The following MELTF variants were observed in gnomAD, a reference collection of about 807,000 sequenced individuals.
MELTF encodes the protein antigen p97 (melanoma associated) identified by monoclonal antibodies 133.2 and 96.5.
In MELTF, 67 loss-of-function variants were observed where a neutral mutation model predicts 83.7. The ratio of observed to expected loss-of-function variants is 0.80; its 90% CI spans 0.66 to 0.98. The LOEUF is 0.98. Ranked by LOEUF, MELTF falls within the 50% of genes least tolerant of loss-of-function variation. The pLI is 0.00. For synonymous variants in MELTF, 462 were observed against 447.6 expected, an observed-to-expected ratio of 1.03 and a Z score of -0.41; for missense variants, 1,002 against 1,035.6, an observed-to-expected ratio of 0.97 and a Z score of 0.44.
rs149643603 is a variant in MELTF at position 197,023,009 on chromosome 3, C to T, written c.592G>A (p.Val198Met). ...LCRGDSSGEG[V>M]CDKSPLERYY... The stretch of plus-strand genomic sequence containing the variant: ...CTCTCCAGGGGGCTCTTGTCACACA[C>T]CCCTTCCCCAGAGCTGTCACCCCTG... The change falls in exon 5 of 16, where the codon GTG becomes ATG. Residue 198 changes from valine (V) to methionine (M), a missense_variant. Val to Met is a conservative substitution (Grantham distance 21, BLOSUM62 1). Coordinates refer to ENST00000296350, the MANE Select transcript of MELTF (RefSeq NM_005929.6). The T allele has an allele frequency of 2.2e-5, 35 of 1,613,690 alleles. No homozygotes were observed. Among genetic ancestry groups the T allele is most frequent in the African/African-American group, 1.9e-4 (14 of 75,034 alleles).
At position 197,004,003 on chromosome 3, in the gene MELTF, G is replaced by A. The variant is rs1294185419; in HGVS notation, c.2035C>T (p.Arg679Trp). The A allele has an allele frequency of 2.5e-6, 4 of 1,614,198 alleles. No individual in the cohort carries two copies. Among genetic ancestry groups the A allele is most frequent in the Non-Finnish European group, 2.5e-6 (3 of 1,180,026 alleles). ...GTTTTCTCTCCGACAGGCACCGCCCGGACGGTGGCATCCTTGAAAAGCAGG... is the reference window on the plus strand; with the variant it reads ...GTTTTCTCTCCGACAGGCACCGCCCAGACGGTGGCATCCTTGAAAAGCAGG... ...QDLLFKDATVRAVPVGEKTTY... is the reference protein window; with the variant it reads ...QDLLFKDATVWAVPVGEKTTY... Residue 679 changes from arginine (R) to tryptophan (W), a missense_variant, in exon 15 of 16, where the codon CGG (arginine) becomes TGG (tryptophan). Transcript: ENST00000296350.
Position 197,019,194 on chromosome 3 carries a change from C to T in MELTF, c.713-1904G>A, listed in dbSNP as rs562158993. On this transcript the variant is annotated intron_variant, in intron 6 of 15. Transcript: ENST00000296350. Reference sequence around the variant, plus strand: ...TTCAGTGTAGTCCTACCCCCGCTTCCCAACTTTCCTGTTTTTCGGCGGCTG... The same window carrying T: ...TTCAGTGTAGTCCTACCCCCGCTTCTCAACTTTCCTGTTTTTCGGCGGCTG... 4.6e-5 allele frequency: 46 copies of T among 1,002,750 alleles called. No homozygotes were observed. In the East Asian group the frequency reaches 8.7e-4, roughly 19 times the overall value. 62.1% of individuals were successfully genotyped at this position (1,002,750 alleles called of 1,614,324 possible).
chr3:197,020,386 A>C (rs1458982552), intron 6 of MELTF, among the ~76,000 whole-genome samples: 2 of 152,188 alleles, frequency 1.3e-5, no homozygotes, highest in Non-Finnish European at 2.9e-5. Context: ...GATTTGGATT[A>C]CTGTGGCTAG....
intron 7 of MELTF, 149 bp downstream of exon 7, chr3:197,016,954 G>C (rs543358844): frequency 1.1e-5 from 10 of 882,440 alleles, no homozygotes; most frequent in Non-Finnish European, 1.5e-5. Context: ...CAGCATAGTC[G>C]GTTCCTCACT....
At chr3:197,028,201 C>CCA in intron 1 of MELTF, 1 of 375,436 alleles carries the variant, frequency 2.7e-6, no homozygotes, top group Admixed American at 3.8e-5. Flanking sequence ...TCAGCTACCC[C>CCA]CACCTGGTGG....
At chr3:197,028,039 C>T in intron 1 of MELTF, 129 bp from the exon 2 acceptor site, 1 of 1,102,434 alleles carries the variant, frequency 9.1e-7, no homozygotes. Flanking sequence ...GCAGCCCTGC[C>T]CTCCCACAGG....
Position 197,016,386 on chromosome 3 carries a change from G to A in MELTF, c.901-17C>T, listed in dbSNP as rs1719375716. ...GAACAGACGCTGTGTGTCAAGGGGTGTGGTACAGGGTGGTGAGGGTGCTGA... is the reference window on the plus strand; with the variant it reads ...GAACAGACGCTGTGTGTCAAGGGGTATGGTACAGGGTGGTGAGGGTGCTGA... On this transcript the variant is annotated splice_polypyrimidine_tract_variant and intron_variant, in intron 7 of 15. Transcript: ENST00000296350. 2.6e-6 allele frequency: 4 copies of A among 1,519,180 alleles called. No individual in the cohort carries two copies. The highest frequency in any genetic ancestry group is 1.3e-5 in the South Asian group (1 of 76,674). 94.1% of individuals were successfully genotyped at this position (1,519,180 alleles called of 1,614,324 possible).
In MELTF at chr3:197,003,304, T is replaced by C; in HGVS notation, c.*68A>G. ...CGGCCTTCGCGAGCTTCCTTCTGGA[T>C]TCCAGCGCGAAGCCGCCGCGGAAAC... On this transcript the variant is annotated 3_prime_UTR_variant, in exon 16 of 16. Transcript: ENST00000296350. This position sits in a 1 kb window ranked among gnomAD's most constrained non-coding sequence, Gnocchi z 6.2. 1.9e-6 allele frequency: 2 copies of C among 1,038,584 alleles called. No homozygotes were observed. Among genetic ancestry groups the C allele is most frequent in the Non-Finnish European group, 2.3e-6 (2 of 866,774 alleles). 64.3% of individuals were successfully genotyped at this position (1,038,584 alleles called of 1,614,324 possible).
Position 197,023,130 on chromosome 3 carries a change from G to A in MELTF, c.488-17C>T. 6.2e-7 allele frequency: 1 copy of A among 1,613,150 alleles called. No homozygotes were observed. The highest frequency in any genetic ancestry group is 8.5e-7 in the Non-Finnish European group (1 of 1,179,876). On this transcript the variant is annotated splice_polypyrimidine_tract_variant and intron_variant, in intron 4 of 15. Transcript: ENST00000296350. The stretch of plus-strand genomic sequence containing the variant: ...CGCTGACAGCTGTGGGAAGGAGGTA[G>A]AGAGGTCACTCAGCAGAACTTTCTT...
intron 9 of MELTF, among the ~76,000 whole-genome samples, chr3:197,014,174 C>T (rs1719276880): frequency 6.6e-6 from 1 of 152,096 alleles, no homozygotes; most frequent in East Asian, 1.9e-4. Flanking sequence ...ACTATTTAGC[C>T]ATAAAAAAGA....
chr3:197,021,794 G>A (rs543985015), intron 5 of MELTF, among the ~76,000 whole-genome samples: 5 of 152,312 alleles, frequency 3.3e-5, no homozygotes, highest in Non-Finnish European at 7.4e-5. Flanking sequence ...TCCCAGGGCA[G>A]CTGCTATTAT....
Position 197,008,784 on chromosome 3 carries a change from C to T in MELTF, c.1682+25G>A, listed in dbSNP as rs377730545. 2 of 1,613,794 alleles carry T rather than the reference C, an allele frequency of 1.2e-6. No individual in the cohort carries two copies. The highest frequency in any genetic ancestry group is 1.7e-6 in the Non-Finnish European group (2 of 1,179,892). ...AGGGTCCCAGCCTCTGCACACAGCC[C>T]CAGACTGCCAGGCCACCCGGGTACC... is the stretch of plus-strand genomic sequence containing the variant. On this transcript the variant is annotated intron_variant, in intron 12 of 15. Coordinates refer to ENST00000296350, the MANE Select transcript of MELTF (RefSeq NM_005929.6). The surrounding 1 kb of genome is among the most constrained non-coding windows in gnomAD (Gnocchi z 5.4).
rs776054154 is a variant in MELTF at position 197,015,508 on chromosome 3, G to A, written c.1090C>T (p.Pro364Ser). Residue 364 changes from proline (P) to serine (S), a missense_variant, in exon 9 of 16, where the codon CCC (proline) becomes TCC (serine). Physicochemically the swap from Pro to Ser is moderately conservative, Grantham distance 74. Coordinates refer to ENST00000296350, the MANE Select transcript of MELTF (RefSeq NM_005929.6). ...GLLCDPNRLP[P>S]YLRWCVLSTP... ...GAGAGCACACACCAGCGCAGGTAGG[G>A]GGGCAGCCCTGGGGTGGGGCAAGCA... is the stretch of plus-strand genomic sequence containing the variant. 1.4e-5 allele frequency: 22 copies of A among 1,610,870 alleles called. No individual in the cohort carries two copies. The highest frequency in any genetic ancestry group is 1.7e-5 in the Non-Finnish European group (20 of 1,178,712).
At position 197,007,232 on chromosome 3, in the gene MELTF, G is replaced by A. The variant is rs1273573330; in HGVS notation, c.1751-496C>T. Among the ~76,000 whole-genome samples, 1 of 152,188 alleles carries A rather than the reference G, an allele frequency of 6.6e-6. No homozygotes were observed. The highest frequency in any genetic ancestry group is 2.1e-4 in the South Asian group (1 of 4,818). ...TGTGGATGCAGAAGGCAGCTTCAAGGGCCCTTGCTTGCAAAGAATCTTATT... is the reference window on the plus strand; with the variant it reads ...TGTGGATGCAGAAGGCAGCTTCAAGAGCCCTTGCTTGCAAAGAATCTTATT... On this transcript the variant is annotated intron_variant, in intron 13 of 15. Coordinates refer to ENST00000296350, the MANE Select transcript of MELTF (RefSeq NM_005929.6). The surrounding 1 kb of genome is among the most constrained non-coding windows in gnomAD (Gnocchi z 4.3).
chr3:197,026,661 T>C lies in MELTF; in HGVS notation c.303A>G (p.Gln101=), dbSNP rs981994948. The change falls in exon 3 of 16, where the codon CAA becomes CAG. Residue 101 remains glutamine (Q), a splice_region_variant and synonymous_variant. Coordinates refer to ENST00000296350, the MANE Select transcript of MELTF (RefSeq NM_005929.6). ...TCTCCTCCCACTGCACCCTCTTACC[T>C]TGATCGTACACTTCGCCCACCACCG... is the stretch of plus-strand genomic sequence containing the variant. The part of the protein sequence containing the change: ...LKPVVGEVYD[Q]EVGTSYYAVA... 1.2e-6 allele frequency: 2 copies of C among 1,612,808 alleles called. No homozygotes were observed. Among genetic ancestry groups the C allele is most frequent in the Admixed American group, 3.3e-5 (2 of 60,032 alleles).
At chr3:197,021,327 G>A in intron 6 of MELTF, 77 bp downstream of exon 6, 4 of 1,420,290 alleles carry the variant, frequency 2.8e-6, no homozygotes, top group Non-Finnish European at 3.0e-6. Flanking sequence ...TCCCAACTCT[G>A]CCATCTAGGG....
In MELTF at chr3:197,024,279, T is replaced by G. The variant is rs765752589; in HGVS notation, c.487+24A>C. The G allele has an allele frequency of 6.5e-7, 1 of 1,535,988 alleles. No homozygotes were observed. The highest frequency in any genetic ancestry group is 2.3e-5 in the East Asian group (1 of 43,946). On this transcript the variant is annotated intron_variant, in intron 4 of 15. Transcript: ENST00000296350. This position sits in a 1 kb window ranked among gnomAD's most constrained non-coding sequence, Gnocchi z 5.3. ...AAAGGAGGGGGAGGCCTGGGGACCC[T>G]CCTGCCCAGCCCAAAGCCCTCACCT...
At chr3:197,023,145 A>G (rs2288765) in intron 4 of MELTF, 32 bp from the exon 5 acceptor site, 1,314,525 of 1,610,848 alleles carry the variant, frequency 0.82, 537,957 homozygotes, top group Non-Finnish European at 0.83. Flanking sequence ...GTCACTCAGC[A>G]GAACTTTCTT....
chr3:197,021,322 A>G (rs919513283), intron 6 of MELTF, 82 bp downstream of exon 6: 7 of 1,387,900 alleles, frequency 5.0e-6, no homozygotes, highest in Middle Eastern at 1.8e-4. Flanking sequence ...TTTGATCCCA[A>G]CTCTGCCATC....
Sources: gnomAD v4.1 joint callset for allele counts (sites outside exome capture counted in the v4.1 genomes callset) on GRCh38, gnomAD v4.1.1 for gene constraint, Gnocchi (gnomAD v3.1) non-coding constraint, MANE v1.5 for transcripts, NCBI Gene and HGNC (gene_info 2026-07-23, HGNC 2026-07-21) for gene names.